CDC73: variants seen among roughly 807,000 people sequenced by gnomAD.
CDC73 encodes parafibromin.
Under a neutral mutation model 83.7 loss-of-function variants are expected in CDC73, and 21 were observed. The observed-to-expected ratio is 0.25, with a 90% CI of 0.18 to 0.36. CDC73 has a LOEUF of 0.36. Ranked by LOEUF, CDC73 falls within the 10% of genes least tolerant of loss-of-function variation. CDC73 has a pLI of 1.00. For synonymous variants in CDC73, 224 were observed against 212.9 expected, an observed-to-expected ratio of 1.05 and a Z score of -0.45; for missense variants, 342 against 653.3, an observed-to-expected ratio of 0.52 and a Z score of 5.19.
At chr1:193,137,553 C>G (rs1675822314) in intron 5 of CDC73, among the ~76,000 whole-genome samples, 1 of 152,186 alleles carries the variant, frequency 6.6e-6, no homozygotes, top group South Asian at 2.1e-4. Context: ...GGTTGAATTT[C>G]AGACAAAATC....
intron 13 of CDC73, among the ~76,000 whole-genome samples, chr1:193,226,201 G>A (rs1677564896): frequency 6.6e-6 from 1 of 152,054 alleles, no homozygotes; most frequent in Non-Finnish European, 1.5e-5. Context: ...TTATGTTTTT[G>A]TTTGTTTTGC....
At chr1:193,219,350 TAAAAC>T (rs1045870188) in intron 13 of CDC73, among the ~76,000 whole-genome samples, 3 of 152,252 alleles carry the variant, frequency 2.0e-5, no homozygotes, top group African/African-American at 7.2e-5. Context: ...TCAAAAAACT[TAAAAC>T]AGAACTACCA....
At chr1:193,175,044 G>C (rs918918503) in intron 10 of CDC73, among the ~76,000 whole-genome samples, 41 of 152,140 alleles carry the variant, frequency 2.7e-4, no homozygotes, top group Admixed American at 2.0e-4. Flanking sequence ...GAGATAGAAG[G>C]TATGAATGGG....
intron 11 of CDC73, among the ~76,000 whole-genome samples, chr1:193,205,769 A>G (rs1211728860): frequency 6.6e-6 from 1 of 152,196 alleles, no homozygotes; most frequent in Non-Finnish European, 1.5e-5. Flanking sequence ...TCTTGTCCAG[A>G]AACTAAGAGA....
At chr1:193,177,771 G>A (rs1054386126) in intron 10 of CDC73, among the ~76,000 whole-genome samples, 2 of 152,074 alleles carry the variant, frequency 1.3e-5, no homozygotes, top group Non-Finnish European at 2.9e-5. Flanking sequence ...GCTGGAAATA[G>A]CACATTAATA....
chr1:193,229,566 T>C (rs1046710919), intron 13 of CDC73, among the ~76,000 whole-genome samples: 1 of 152,188 alleles, frequency 6.6e-6, no homozygotes, highest in Non-Finnish European at 1.5e-5. Flanking sequence ...TGGTCTTGGC[T>C]TCGTAGCCTC....
At chr1:193,131,834 T>C (rs950322406) in intron 3 of CDC73, among the ~76,000 whole-genome samples, 6 of 152,214 alleles carry the variant, frequency 3.9e-5, no homozygotes, top group African/African-American at 2.4e-5. Flanking sequence ...ACCACTCTTA[T>C]CGAAAATATA....
Position 193,122,283 on chromosome 1 carries a change from G to T in CDC73, c.83G>T (p.Gly28Val). The change falls in exon 1 of 17, where the codon GGG becomes GTG. Residue 28 changes from glycine (G) to valine (V), a missense_variant. Physicochemically the swap from Gly to Val is moderately radical, Grantham distance 109. Around this residue, in one of 3 missense-constraint regions of CDC73, gnomAD observed 99 missense variants for 174.5 expected, o/e 0.57. Coordinates refer to ENST00000367435, the MANE Select transcript of CDC73 (RefSeq NM_024529.5). Reference protein sequence around the residue: ...IVVKGDEVIFGEFSWPKNVKT... With the variant: ...IVVKGDEVIFVEFSWPKNVKT... Reference sequence around the variant, plus strand: ...GTGAAGGGAGACGAAGTGATCTTCGGGGAGTTCTCCTGGCCCAAGAATGTG... The same window carrying T: ...GTGAAGGGAGACGAAGTGATCTTCGTGGAGTTCTCCTGGCCCAAGAATGTG... The T allele has an allele frequency of 6.2e-7, 1 of 1,614,144 alleles. No individual in the cohort carries two copies. The highest frequency in any genetic ancestry group is 8.5e-7 in the Non-Finnish European group (1 of 1,179,966).
At chr1:193,202,430 C>T (rs1186512526) in intron 10 of CDC73, among the ~76,000 whole-genome samples, 6 of 151,822 alleles carry the variant, frequency 4.0e-5, no homozygotes, top group African/African-American at 1.4e-4. Context: ...TAAAGTTTTA[C>T]CTGAATGTAA....
At position 193,230,457 on chromosome 1, in the gene CDC73, ATTTTTTTTTTTTT is replaced by A. The variant is rs752027731; in HGVS notation, c.1155-2520_1155-2508del. 1.9e-3 allele frequency among the ~76,000 whole-genome samples: 174 copies of A among 90,728 alleles called. 1 individual carries two copies. Among genetic ancestry groups the A allele is most frequent in the African/African-American group, 3.6e-3 (73 of 20,356 alleles). 59.5% of individuals were successfully genotyped at this position (90,728 alleles called of 152,430 possible). On this transcript the variant is annotated intron_variant, in intron 13 of 16. Coordinates refer to ENST00000367435, the MANE Select transcript of CDC73 (RefSeq NM_024529.5). ...CCACTGCACCTCGCCCTAATCCCGT[ATTTTTTTTTTTTT>A]TTTTTTTTTTTTTTTGCAAAGCAAC...
At chr1:193,226,436 A>C (rs1428074588) in intron 13 of CDC73, among the ~76,000 whole-genome samples, 1 of 152,048 alleles carries the variant, frequency 6.6e-6, no homozygotes, top group Non-Finnish European at 1.5e-5. Flanking sequence ...CCCCATTCAG[A>C]ACTACGTTAG....
intron 13 of CDC73, among the ~76,000 whole-genome samples, chr1:193,217,176 C>T (rs1184967094): frequency 6.6e-6 from 1 of 152,006 alleles, no homozygotes; most frequent in Non-Finnish European, 1.5e-5. Flanking sequence ...GGGAGCACAC[C>T]GACGGGCAGG....
intron 7 of CDC73, among the ~76,000 whole-genome samples, chr1:193,146,686 C>T (rs969503256): frequency 2.0e-5 from 3 of 152,188 alleles, no homozygotes; most frequent in African/African-American, 7.2e-5. Context: ...AAAATTTCAA[C>T]ATGGGTTTTA....
intron 15 of CDC73, chr1:193,237,066 C>T (rs981526499): frequency 3.3e-5 from 5 of 151,520 alleles, no homozygotes; most frequent in Admixed American, 3.3e-4. Flanking sequence ...GCCTCAACCT[C>T]CTGAGTAGCT....
intron 10 of CDC73, among the ~76,000 whole-genome samples, chr1:193,168,053 G>T (rs1030948869): frequency 6.6e-6 from 1 of 152,062 alleles, no homozygotes; most frequent in Non-Finnish European, 1.5e-5. Flanking sequence ...TAGAGACAGG[G>T]TTTCACCATG....
At chr1:193,175,653 C>T (rs551843495) in intron 10 of CDC73, among the ~76,000 whole-genome samples, 10 of 152,284 alleles carry the variant, frequency 6.6e-5, no homozygotes, top group Non-Finnish European at 1.0e-4. Flanking sequence ...ATTTACATAG[C>T]ATTTAAATTG....
At chr1:193,212,001 T>A in intron 11 of CDC73, 64 bp from the exon 12 acceptor site, 1 of 1,252,752 alleles carries the variant, frequency 8.0e-7, no homozygotes, top group Non-Finnish European at 1.1e-6. Context: ...CCCTTATTTG[T>A]AAGTTTGAAA....
At chr1:193,220,380 T>C (rs1677447172) in intron 13 of CDC73, among the ~76,000 whole-genome samples, 1 of 151,922 alleles carries the variant, frequency 6.6e-6, no homozygotes, top group Non-Finnish European at 1.5e-5. Context: ...GTCAGGCTGG[T>C]CTCAAACTCT....
chr1:193,211,666 G>A (rs765356017), intron 11 of CDC73, among the ~76,000 whole-genome samples: 3 of 152,172 alleles, frequency 2.0e-5, no homozygotes, highest in Admixed American at 6.6e-5. Context: ...ATAGAATGTG[G>A]ATATGCTGGA....
Sources: gnomAD v4.1 joint callset for allele counts (sites outside exome capture counted in the v4.1 genomes callset) on GRCh38, gnomAD v4.1.1 for gene constraint, gnomAD v4.1.1 regional missense constraint, MANE v1.5 for transcripts, NCBI Gene and HGNC (gene_info 2026-07-23, HGNC 2026-07-21) for gene names.